The following TMLHE variants were observed in gnomAD, a reference collection of about 807,000 sequenced individuals.
TMLHE encodes the protein trimethyllysine hydroxylase, epsilon.
A neutral mutation model predicts 25.7 loss-of-function variants in TMLHE; 18 were observed. That is an observed-to-expected ratio of 0.70 (90% confidence interval 0.48 to 1.04). The LOEUF (loss-of-function observed/expected upper bound fraction) is 1.04, where lower values mean the gene tolerates loss of function less well. TMLHE is among the 50% of genes least tolerant of loss of function. The pLI is 0.00. For synonymous variants in TMLHE, 105 were observed against 97.0 expected, an observed-to-expected ratio of 1.08 and a Z score of -0.49; for missense variants, 236 against 259.0, an observed-to-expected ratio of 0.91 and a Z score of 0.61.
chrX:155,504,626 T>G lies in TMLHE; in HGVS notation c.995+2272A>C, dbSNP rs1253575580. Reference sequence around the variant, plus strand: ...AGTACTTTGGTAAAACTTGTTGCAGTTATTTATGAAACTAAGCATTCACCT... The same window carrying G: ...AGTACTTTGGTAAAACTTGTTGCAGGTATTTATGAAACTAAGCATTCACCT... On this transcript the variant is annotated intron_variant, in intron 6 of 7. Transcript: ENST00000334398. 2.7e-5 allele frequency among the ~76,000 whole-genome samples: 3 copies of G among 111,527 alleles called. No homozygotes were observed. In the East Asian group the frequency reaches 8.4e-4, roughly 31 times the overall value.
At chrX:155,544,951 C>T in intron 2 of TMLHE, 145 bp downstream of exon 2, 1 of 580,913 alleles carries the variant, frequency 1.7e-6, no homozygotes, top group Non-Finnish European at 2.7e-6. Context: ...GTGAATTGTA[C>T]ACTTAAAATG....
At chrX:155,544,125 G>A (rs925959642) in intron 2 of TMLHE, among the ~76,000 whole-genome samples, 1 of 111,538 alleles carries the variant, frequency 9.0e-6, no homozygotes, top group Non-Finnish European at 1.9e-5. Context: ...TCTTTGGAGT[G>A]CATAGTGGGC....
chrX:155,554,603 AG>A (rs1423875039), intron 1 of TMLHE, among the ~76,000 whole-genome samples: 1 of 108,430 alleles, frequency 9.2e-6, no homozygotes, highest in Non-Finnish European at 1.9e-5. Flanking sequence ...CACCTAGATG[AG>A]GGTTTTTTAT....
intron 1 of TMLHE, among the ~76,000 whole-genome samples, chrX:155,570,186 T>C (rs1486841146): frequency 1.8e-5 from 1 of 55,010 alleles, no homozygotes; most frequent in Admixed American, 2.1e-4. Flanking sequence ...GTTGCAATCC[T>C]AGTCTCTGAT....
intron 2 of TMLHE, among the ~76,000 whole-genome samples, chrX:155,535,562 T>A (rs1221289430): frequency 8.9e-6 from 1 of 112,263 alleles, no homozygotes; most frequent in Non-Finnish European, 1.9e-5. Context: ...AACATATGAA[T>A]TTGGAGAAAA....
chrX:155,518,319 C>T, intron 3 of TMLHE, among the ~76,000 whole-genome samples: 1 of 91,927 alleles, frequency 1.1e-5, no homozygotes, highest in African/African-American at 4.0e-5. Flanking sequence ...TGCTGGATTA[C>T]ATTTATTGAT....
intron 1 of TMLHE, among the ~76,000 whole-genome samples, chrX:155,578,996 G>C (rs1291816249): frequency 8.9e-6 from 1 of 111,885 alleles, no homozygotes; most frequent in Admixed American, 9.5e-5. Flanking sequence ...AACAAATTAA[G>C]AAGGAAATCC....
intron 1 of TMLHE, among the ~76,000 whole-genome samples, chrX:155,548,517 CAAGGT>C (rs2067375796): frequency 9.3e-6 from 1 of 108,067 alleles, no homozygotes; most frequent in African/African-American, 3.6e-5. Flanking sequence ...GGGCGGATCA[CAAGGT>C]CAGCAGTATG....
Position 155,524,460 on chromosome X carries a change from G to A in TMLHE, c.354C>T (p.Phe118=). 1 of 1,165,558 alleles carries A rather than the reference G, an allele frequency of 8.6e-7. No individual in the cohort carries two copies. Residue 118 remains phenylalanine, a synonymous_variant, in exon 3 of 8, where the codon TTC becomes TTT. Coordinates refer to ENST00000334398, the MANE Select transcript of TMLHE (RefSeq NM_018196.4). ...TIRLDETTLF[F]TWPDGHVTKY... ...TCAAGTCTCCTGTCCACTCACAAGT[G>A]AAAAAGAGTGTGGTCTCATCCAGAC... is the stretch of plus-strand genomic sequence containing the variant.
chrX:155,571,913 G>C (rs1456328452), intron 1 of TMLHE, among the ~76,000 whole-genome samples: 1 of 54,488 alleles, frequency 1.8e-5, no homozygotes, highest in African/African-American at 4.4e-5. Context: ...CATTCCCTTT[G>C]AAAACTGGCA....
chrX:155,567,159 G>A (rs2067513889), intron 1 of TMLHE, among the ~76,000 whole-genome samples: 1 of 62,341 alleles, frequency 1.6e-5, no homozygotes, highest in African/African-American at 3.6e-5. Context: ...AAATGTCTGG[G>A]GAATGGCCGC....
Position 155,545,205 on chromosome X carries a change from C to G in TMLHE, c.72G>C (p.Pro24=), listed in dbSNP as rs34214712. ...TTTTGAAGTTGGGCTGTGGAAGGGC[C>G]GGATATATGACTCCTCCCTTCAGCA... is the stretch of plus-strand genomic sequence containing the variant. ...QDLLKGGVIY[P]ALPQPNFKSL... is the part of the protein sequence containing the mutation. The change falls in exon 2 of 8, where the codon CCG becomes CCC. Residue 24 remains proline, a synonymous_variant. Transcript: ENST00000334398. 4 of 1,209,568 alleles carry G rather than the reference C, an allele frequency of 3.3e-6. No individual in the cohort carries two copies. The highest frequency in any genetic ancestry group is 3.4e-6 in the Non-Finnish European group (3 of 894,316).
intron 1 of TMLHE, among the ~76,000 whole-genome samples, chrX:155,560,002 C>T (rs2067483892): frequency 8.9e-6 from 1 of 112,714 alleles, no homozygotes; most frequent in African/African-American, 3.2e-5. Flanking sequence ...TTTCACAGGT[C>T]TCTGTGCATA....
At chrX:155,597,390 T>C (rs1329781584) in intron 1 of TMLHE, among the ~76,000 whole-genome samples, 1 of 111,352 alleles carries the variant, frequency 9.0e-6, no homozygotes, top group Non-Finnish European at 1.9e-5. Context: ...GCTTTTACAC[T>C]GTTGGTGGGA....
intron 2 of TMLHE, among the ~76,000 whole-genome samples, chrX:155,536,166 T>C (rs933919058): frequency 3.6e-5 from 4 of 111,455 alleles, no homozygotes; most frequent in African/African-American, 1.3e-4. Context: ...GTCTTATGCT[T>C]GTTTATCATT....
At chrX:155,603,369 TGAAAGAAA>T (rs202078084) in intron 1 of TMLHE, among the ~76,000 whole-genome samples, 2,460 of 99,263 alleles carry the variant, frequency 0.025, 27 homozygotes, top group Non-Finnish European at 0.031. Flanking sequence ...AAAGAAAGAA[TGAAAGAAA>T]GAAAGAAAGA....
intron 5 of TMLHE, among the ~76,000 whole-genome samples, chrX:155,507,779 TC>T (rs1250784308): frequency 7.2e-5 from 8 of 111,045 alleles, no homozygotes; most frequent in Non-Finnish European, 1.3e-4. Flanking sequence ...TACGGCCATA[TC>T]AATATTTTAA....
intron 2 of TMLHE, among the ~76,000 whole-genome samples, chrX:155,538,666 T>C (rs782481672): frequency 4.5e-5 from 5 of 111,765 alleles, no homozygotes; most frequent in Non-Finnish European, 9.4e-5. Context: ...ATCCAATCAC[T>C]TACCTGCATC....
chrX:155,601,638 C>A (rs1285846126), intron 1 of TMLHE, among the ~76,000 whole-genome samples: 1 of 111,053 alleles, frequency 9.0e-6, no homozygotes. Flanking sequence ...AACGGAGGAA[C>A]AAAGAAGTCA....
Sources: gnomAD v4.1 joint callset for allele counts (sites outside exome capture counted in the v4.1 genomes callset) on GRCh38, gnomAD v4.1.1 for gene constraint, MANE v1.5 for transcripts, NCBI Gene and HGNC (gene_info 2026-07-23, HGNC 2026-07-21) for gene names.